Variants in ABCB11 observed in about 807,000 individuals in gnomAD.
ABCB11 encodes the protein bile salt export pump.
Under a neutral mutation model 148.0 loss-of-function variants are expected in ABCB11, and 95 were observed. The observed-to-expected ratio is 0.64, with a 90% CI of 0.54 to 0.76. ABCB11 has a LOEUF of 0.76. ABCB11 is among the 30% of genes least tolerant of loss of function. ABCB11 has a pLI of 0.00. For synonymous variants in ABCB11, 591 were observed against 555.4 expected, an observed-to-expected ratio of 1.06 and a Z score of -0.90; for missense variants, 1,523 against 1,617.8, an observed-to-expected ratio of 0.94 and a Z score of 1.01.
At chr2:168,991,383 T>C (rs1394660328) in intron 8 of ABCB11, among the ~76,000 whole-genome samples, 1 of 152,142 alleles carries the variant, frequency 6.6e-6, no homozygotes, top group East Asian at 1.9e-4. Context: ...CGATTTCAGA[T>C]GATTCCAGAA....
intron 9 of ABCB11, among the ~76,000 whole-genome samples, chr2:168,987,636 G>T (rs910898258): frequency 7.2e-5 from 11 of 152,070 alleles, no homozygotes; most frequent in African/African-American, 2.4e-4. Context: ...TTGCCATGTT[G>T]CCCAGGCTGG....
chr2:168,973,779 C>A lies in ABCB11; in HGVS notation c.1370G>T (p.Ser457Ile). 1 of 1,612,276 alleles carries A rather than the reference C, an allele frequency of 6.2e-7. No homozygotes were observed. Among genetic ancestry groups the A allele is most frequent in the Non-Finnish European group, 8.5e-7 (1 of 1,178,692 alleles). The change falls in exon 13 of 28, where the codon AGT (serine) becomes ATT (isoleucine). Residue 457 changes from serine to isoleucine, a missense_variant. Transcript: ENST00000650372. The part of the protein sequence containing the change: ...PGEMTALVGP[S>I]GAGKSTALQL... ...CAGTGCTGTACTTTTTCCAGCTCCACTGGGTCCTACCAGAGCTGTCATTTC... is the reference window on the plus strand; with the variant it reads ...CAGTGCTGTACTTTTTCCAGCTCCAATGGGTCCTACCAGAGCTGTCATTTC...
In ABCB11 at chr2:168,973,828, G is replaced by T; in HGVS notation, c.1321C>A (p.Leu441Ile). 2 of 1,611,298 alleles carry T rather than the reference G, an allele frequency of 1.2e-6. No individual in the cohort carries two copies. The highest frequency in any genetic ancestry group is 8.5e-7 in the Non-Finnish European group (1 of 1,178,086). The change falls in exon 13 of 28, where the codon CTC (leucine) becomes ATC (isoleucine). Residue 441 changes from leucine (L) to isoleucine (I), a missense_variant. Transcript: ENST00000650372. The part of the protein sequence containing the change: ...SRPEVKILND[L>I]NMVIKPGEMT... ...TCCCCTGGTTTAATGACCATGTTGA[G>T]GTCATTTAGAATCTGGAGAAGAAAG...
intron 9 of ABCB11, among the ~76,000 whole-genome samples, chr2:168,988,447 A>G (rs1694401928): frequency 6.6e-6 from 1 of 152,080 alleles, no homozygotes; most frequent in East Asian, 1.9e-4. Context: ...TTCTTTTTAA[A>G]GGCTGAATAG....
At chr2:168,934,858 G>A (rs576990070) in intron 23 of ABCB11, among the ~76,000 whole-genome samples, 14 of 152,216 alleles carry the variant, frequency 9.2e-5, no homozygotes, top group African/African-American at 1.7e-4. Context: ...GTTTCTTTGC[G>A]TGGAGAGACT....
chr2:168,926,663 A>G (rs963974174), intron 26 of ABCB11, among the ~76,000 whole-genome samples: 1 of 152,210 alleles, frequency 6.6e-6, no homozygotes, highest in South Asian at 2.1e-4. Context: ...TGCTTAAAAA[A>G]CTAAGACAGT....
chr2:168,972,345 AG>A (rs1693620388), intron 13 of ABCB11, among the ~76,000 whole-genome samples: 2 of 146,620 alleles, frequency 1.4e-5, no homozygotes, highest in East Asian at 4.1e-4. Flanking sequence ...GAGTAGAGAC[AG>A]TTATTCACTA....
At chr2:169,029,722 C>CTTTTTT (rs1558936844) in intron 1 of ABCB11, among the ~76,000 whole-genome samples, 1 of 114,124 alleles carries the variant, frequency 8.8e-6, no homozygotes, top group African/African-American at 4.0e-5. Context: ...CAGTTCTTTC[C>CTTTTTT]TCTTTTTTTT....
intron 23 of ABCB11, among the ~76,000 whole-genome samples, chr2:168,932,859 C>T (rs1342766354): frequency 6.6e-6 from 1 of 152,092 alleles, no homozygotes; most frequent in African/African-American, 2.4e-5. Flanking sequence ...CCTGTAATCC[C>T]AGCACCTTGG....
intron 1 of ABCB11, among the ~76,000 whole-genome samples, chr2:169,030,417 A>G (rs1695832768): frequency 1.3e-5 from 2 of 152,204 alleles, no homozygotes; most frequent in Admixed American, 1.3e-4. Context: ...CTATTAAACA[A>G]CAGCTCATAA....
At chr2:168,934,193 G>C (rs991260000) in intron 23 of ABCB11, among the ~76,000 whole-genome samples, 1 of 152,122 alleles carries the variant, frequency 6.6e-6, no homozygotes, top group Admixed American at 6.5e-5. Context: ...ATTTAGACTA[G>C]TAGCTTTAAA....
chr2:168,943,171 C>A (rs979674990), intron 21 of ABCB11, among the ~76,000 whole-genome samples: 1 of 151,894 alleles, frequency 6.6e-6, no homozygotes, highest in African/African-American at 2.4e-5. Flanking sequence ...AGATTGAAGG[C>A]CACAAAAATA....
chr2:168,946,948 C>T (rs1692350318), intron 19 of ABCB11, among the ~76,000 whole-genome samples: 1 of 151,768 alleles, frequency 6.6e-6, no homozygotes, highest in Non-Finnish European at 1.5e-5. Context: ...GGGCATCTCT[C>T]TATCCATAAT....
intron 10 of ABCB11, among the ~76,000 whole-genome samples, chr2:168,985,045 T>G (rs901658794): frequency 6.6e-6 from 1 of 152,066 alleles, no homozygotes; most frequent in Non-Finnish European, 1.5e-5. Context: ...GACAAAGGAC[T>G]AATATCCGGA....
intron 5 of ABCB11, among the ~76,000 whole-genome samples, chr2:169,005,223 A>G (rs959958583): frequency 3.9e-5 from 6 of 152,030 alleles, no homozygotes; most frequent in Non-Finnish European, 5.9e-5. Context: ...TTATCTATTC[A>G]GGTTTCCCAA....
At chr2:168,946,297 T>C (rs1692304222) in intron 19 of ABCB11, among the ~76,000 whole-genome samples, 1 of 151,914 alleles carries the variant, frequency 6.6e-6, no homozygotes, top group Non-Finnish European at 1.5e-5. Flanking sequence ...AAATATTTAC[T>C]AAGTAGCTAT....
At chr2:168,956,646 C>T (rs941755093) in intron 19 of ABCB11, among the ~76,000 whole-genome samples, 6 of 151,642 alleles carry the variant, frequency 4.0e-5, no homozygotes, top group African/African-American at 1.2e-4. Flanking sequence ...CCCTCTCTCT[C>T]CTTGAAGCAG....
At position 168,930,650 on chromosome 2, in the gene ABCB11, G is replaced by C. The variant is rs768455510; in HGVS notation, c.3411+15C>G. On this transcript the variant is annotated intron_variant, in intron 25 of 27. Transcript: ENST00000650372. ...CTGCAGAAGGCAAAATTCTCAAAAA[G>C]GTTGCGTGGCTTACCACCTTCCCTT... 2 of 1,482,534 alleles carry C rather than the reference G, an allele frequency of 1.3e-6. No homozygotes were observed. The highest frequency in any genetic ancestry group is 1.8e-6 in the Non-Finnish European group (2 of 1,109,886). The allele number at this position is 1,482,534 out of a possible 1,614,324, so 91.8% of individuals were successfully genotyped here.
At chr2:169,007,589 A>C (rs1177703960) in intron 5 of ABCB11, among the ~76,000 whole-genome samples, 1 of 152,222 alleles carries the variant, frequency 6.6e-6, no homozygotes, top group Non-Finnish European at 1.5e-5. Flanking sequence ...AAAGAAAACA[A>C]GTGTAATGTT....
Sources: allele counts gnomAD v4.1 joint callset (sites outside exome capture counted in the v4.1 genomes callset), GRCh38; gene constraint gnomAD v4.1.1; transcripts MANE v1.5; gene names NCBI Gene and HGNC (gene_info 2026-07-23, HGNC 2026-07-21).